Variants in AGBL1 observed in about 807,000 individuals in gnomAD.
AGBL1 encodes the protein cytosolic carboxypeptidase 4.
In AGBL1, 130 loss-of-function variants were observed where a neutral mutation model predicts 118.9. That is an observed-to-expected ratio of 1.09 (90% CI 0.95 to 1.26). AGBL1 has a LOEUF of 1.26. Among genes scored for constraint, AGBL1 ranks in the 50% most tolerant of loss-of-function variants. The pLI, the probability that AGBL1 is intolerant of heterozygous loss-of-function variation, is 0.00. For synonymous variants in AGBL1, 555 were observed against 478.9 expected (o/e 1.16, Z -2.08); for missense variants, 1,584 against 1,298.1 (o/e 1.22, Z -3.38).
chr15:86,573,772 C>T (rs1235181816), intron 21 of AGBL1, among the ~76,000 whole-genome samples: 1 of 152,130 alleles, frequency 6.6e-6, no homozygotes, highest in African/African-American at 2.4e-5. Context: ...AACTACACCT[C>T]CCCGAAGGCA....
At chr15:86,265,796 A>G (rs938172229) in intron 11 of AGBL1, among the ~76,000 whole-genome samples, 10 of 152,142 alleles carry the variant, frequency 6.6e-5, no homozygotes, top group Non-Finnish European at 2.9e-5. Flanking sequence ...CACCTCCCTT[A>G]TGAACTGGAT....
At position 86,907,304 on chromosome 15, in the gene AGBL1, T is replaced by C. The variant is rs1449306018; in HGVS notation, c.*10T>C. 6.6e-6 allele frequency: 1 copy of C among 152,284 alleles called. No individual in the cohort carries two copies. The highest frequency in any genetic ancestry group is 6.5e-5 in the Admixed American group (1 of 15,268). The allele number at this position is 152,284 out of a possible 1,614,324, so 9.4% of individuals were successfully genotyped here. ...AGAAGCCATCCCATAGCCCCGAGGT[T>C]CACAGCAAGTTCTGTGTCTCCAACC... On this transcript the variant is annotated 3_prime_UTR_variant, in exon 23 of 23. Transcript: ENST00000614907.
intron 22 of AGBL1, among the ~76,000 whole-genome samples, chr15:86,860,286 T>C (rs1300727997): frequency 2.0e-5 from 3 of 152,054 alleles, no homozygotes; most frequent in Non-Finnish European, 2.9e-5. Context: ...CATGGTGAGT[T>C]CTGAATAGAC....
intron 17 of AGBL1, among the ~76,000 whole-genome samples, chr15:86,391,028 A>AAT (rs1396864123): frequency 3.3e-5 from 5 of 151,902 alleles, no homozygotes; most frequent in African/African-American, 1.2e-4. Flanking sequence ...AAAAAAAAAA[A>AAT]AAAAGGCAAA....
chr15:86,212,103 T>A (rs967766274), intron 5 of AGBL1, among the ~76,000 whole-genome samples: 2 of 152,246 alleles, frequency 1.3e-5, no homozygotes, highest in East Asian at 1.9e-4. Flanking sequence ...CATTGAGGTA[T>A]ATTTAAGTTT....
At chr15:86,244,466 T>C (rs1040680208) in intron 6 of AGBL1, among the ~76,000 whole-genome samples, 1 of 152,184 alleles carries the variant, frequency 6.6e-6, no homozygotes, top group Non-Finnish European at 1.5e-5. Flanking sequence ...TAGATACGTA[T>C]TGACTTTTGC....
intron 5 of AGBL1, among the ~76,000 whole-genome samples, chr15:86,211,764 G>C (rs1303760330): frequency 2.0e-5 from 3 of 152,176 alleles, no homozygotes; most frequent in Non-Finnish European, 2.9e-5. Context: ...CCTTTGCTAG[G>C]AAAGGGAAAT....
chr15:86,941,507 G>A (rs1196006750), intron 23 of AGBL1, among the ~76,000 whole-genome samples: 2 of 152,192 alleles, frequency 1.3e-5, no homozygotes, highest in African/African-American at 4.8e-5. Context: ...CTCTGCAGTG[G>A]CCATTCCCCA....
At chr15:86,606,124 C>A (rs1469354966) in intron 21 of AGBL1, among the ~76,000 whole-genome samples, 1 of 11,982 alleles carries the variant, frequency 8.3e-5, no homozygotes, top group African/African-American at 3.3e-4. Context: ...AAGACTCCAT[C>A]TCAAAAAAAA....
At chr15:86,828,929 T>C (rs1321054826) in intron 22 of AGBL1, among the ~76,000 whole-genome samples, 2 of 148,018 alleles carry the variant, frequency 1.4e-5, no homozygotes, top group East Asian at 2.0e-4. Context: ...TATATATATA[T>C]ATATATATAT....
intron 21 of AGBL1, among the ~76,000 whole-genome samples, chr15:86,635,292 TCCCCC>T (rs2085060278): frequency 4.7e-5 from 1 of 21,074 alleles, no homozygotes. Context: ...CCCCTCCCCC[TCCCCC>T]TCCCCTCCTC....
intron 18 of AGBL1, among the ~76,000 whole-genome samples, chr15:86,520,200 A>G (rs906509686): frequency 6.6e-6 from 1 of 152,218 alleles, no homozygotes; most frequent in Non-Finnish European, 1.5e-5. Context: ...AGCATTTTAG[A>G]TGTAGATGAA....
At chr15:86,503,872 T>C (rs1237553519) in intron 18 of AGBL1, among the ~76,000 whole-genome samples, 2 of 151,732 alleles carry the variant, frequency 1.3e-5, no homozygotes, top group South Asian at 4.1e-4. Flanking sequence ...ACAGAATGTG[T>C]GCACTTGGGA....
chr15:86,215,595 C>A (rs1326442614), intron 5 of AGBL1, among the ~76,000 whole-genome samples: 1 of 152,088 alleles, frequency 6.6e-6, no homozygotes, highest in African/African-American at 2.4e-5. Context: ...AGACAGATGC[C>A]CAGTGAAGTT....
At position 86,549,554 on chromosome 15, in the gene AGBL1, T is replaced by TA. The variant is rs564976329; in HGVS notation, c.2817+3430dup. 9.3e-3 allele frequency among the ~76,000 whole-genome samples: 1,399 copies of TA among 150,322 alleles called. 19 individuals are homozygous for TA. Among genetic ancestry groups the TA allele is most frequent in the African/African-American group, 0.032 (1,295 of 41,010 alleles). ...TTTAAAAAATAGAATCCAGAGATGC[T>TA]AAAAAAAAAGTATAATCTATGATGT... On this transcript the variant is annotated intron_variant, in intron 20 of 22. Coordinates refer to ENST00000614907, the MANE Select transcript of AGBL1 (RefSeq NM_001386094.1).
At chr15:86,804,103 A>C (rs2078687387) in intron 22 of AGBL1, among the ~76,000 whole-genome samples, 1 of 152,184 alleles carries the variant, frequency 6.6e-6, no homozygotes, top group Non-Finnish European at 1.5e-5. Context: ...CAAAGGGATC[A>C]TGGGAAGTGA....
At chr15:86,211,288 G>A (rs1308373508) in intron 5 of AGBL1, among the ~76,000 whole-genome samples, 1 of 152,204 alleles carries the variant, frequency 6.6e-6, no homozygotes, top group African/African-American at 2.4e-5. Flanking sequence ...AGGCTACACA[G>A]GGGTCAGGGA....
chr15:86,340,560 A>T (rs1311884897), intron 17 of AGBL1, among the ~76,000 whole-genome samples: 4 of 152,310 alleles, frequency 2.6e-5, no homozygotes, highest in Admixed American at 2.0e-4. Context: ...GGAAGAGGTG[A>T]GGAAAAATTT....
At chr15:86,925,873 G>A (rs888970630) in intron 23 of AGBL1, among the ~76,000 whole-genome samples, 21 of 151,830 alleles carry the variant, frequency 1.4e-4, no homozygotes, top group African/African-American at 4.4e-4. Flanking sequence ...TGGGACTACA[G>A]GCGCCCGCCA....
Sources: allele counts gnomAD v4.1 joint callset (sites outside exome capture counted in the v4.1 genomes callset), GRCh38; gene constraint gnomAD v4.1.1; transcripts MANE v1.5; gene names NCBI Gene and HGNC (gene_info 2026-07-23, HGNC 2026-07-21).